Variants in CENPC observed in about 807,000 individuals in gnomAD.
CENPC encodes the protein centromere protein C, also known as CENP-C 1.
Under a neutral mutation model 112.1 loss-of-function variants are expected in CENPC, and 63 were observed. The ratio of observed to expected loss-of-function variants is 0.56; its 90% CI spans 0.46 to 0.69. CENPC has a LOEUF of 0.69. CENPC is among the 30% of genes least tolerant of loss of function. The probability of loss-of-function intolerance (pLI) is 0.00; values close to 1 mark genes in which losing one functional copy is unlikely to be tolerated. For synonymous variants in CENPC, 333 were observed against 367.6 expected (o/e 0.91, Z 1.08); for missense variants, 1,000 against 1,103.8 (o/e 0.91, Z 1.33).
intron 2 of CENPC, among the ~76,000 whole-genome samples, chr4:67,542,642 C>G (rs1052753595): frequency 1.3e-5 from 2 of 152,156 alleles, no homozygotes; most frequent in Non-Finnish European, 2.9e-5. Flanking sequence ...AAACCCCTAG[C>G]TGAATCCTAT....
intron 17 of CENPC, among the ~76,000 whole-genome samples, chr4:67,476,178 C>T (rs1242642000): frequency 2.6e-5 from 4 of 152,200 alleles, no homozygotes; most frequent in Non-Finnish European, 5.9e-5. Context: ...GCAGCTCCCA[C>T]TCAGATGGAC....
At chr4:67,544,004 C>G (rs1726958194) in intron 2 of CENPC, 145 bp downstream of exon 2, 1 of 582,188 alleles carries the variant, frequency 1.7e-6, no homozygotes, top group Non-Finnish European at 3.1e-6. Context: ...CATTAACATT[C>G]CCGTTAGTAT....
At chr4:67,521,540 G>A (rs1726229849) in intron 5 of CENPC, among the ~76,000 whole-genome samples, 1 of 152,188 alleles carries the variant, frequency 6.6e-6, no homozygotes, top group African/African-American at 2.4e-5. Flanking sequence ...GATAACAACT[G>A]TTGATGTAGA....
chr4:67,512,519 GCTT>G lies in CENPC; in HGVS notation c.1492_1494del (p.Lys498del). ...TTGTTCTTGGACTCACTGGAAAAGCGCTTCTTTTTAGATTCTTCCTTATCTTTT... is the reference window on the plus strand; with the variant it reads ...TTGTTCTTGGACTCACTGGAAAAGCGCTTTTTAGATTCTTCCTTATCTTTT... On this transcript the variant is annotated inframe_deletion, in exon 9 of 19. Transcript: ENST00000273853. 1.3e-6 allele frequency: 2 copies of G among 1,578,180 alleles called. No individual in the cohort carries two copies. Among genetic ancestry groups the G allele is most frequent in the Non-Finnish European group, 1.7e-6 (2 of 1,163,558 alleles).
rs1724694527 is a variant in CENPC at position 67,472,510 on chromosome 4, C to A, written c.*95G>T. ...ACTGAATAAAATTTTTATTTTAAAA[C>A]ATCACAAGTAATTACAAAGACAAAT... On this transcript the variant is annotated 3_prime_UTR_variant, in exon 19 of 19. Transcript: ENST00000273853. 9.5e-6 allele frequency: 12 copies of A among 1,259,560 alleles called. No individual in the cohort carries two copies. The highest frequency in any genetic ancestry group is 3.0e-5 in the South Asian group (1 of 33,126). The allele number at this position is 1,259,560 out of a possible 1,614,324, so 78.0% of individuals were successfully genotyped here.
chr4:67,525,510 A>G (rs1428546485), intron 5 of CENPC, among the ~76,000 whole-genome samples: 2 of 152,230 alleles, frequency 1.3e-5, no homozygotes, highest in Non-Finnish European at 2.9e-5. Flanking sequence ...TGGGCAAATG[A>G]TATGAACAGA....
At chr4:67,481,648 A>C (rs1410419806) in intron 17 of CENPC, among the ~76,000 whole-genome samples, 1 of 152,206 alleles carries the variant, frequency 6.6e-6, no homozygotes, top group Non-Finnish European at 1.5e-5. Flanking sequence ...AACACTAAGT[A>C]GGGAAGGGAC....
chr4:67,492,812 C>G (rs1177437728), intron 15 of CENPC, 57 bp downstream of exon 15: 1 of 1,454,936 alleles, frequency 6.9e-7, no homozygotes, highest in Admixed American at 2.6e-5. Context: ...AGCTTCTTCT[C>G]AAAGTACTCC....
chr4:67,515,742 T>C (rs955456768), intron 7 of CENPC, among the ~76,000 whole-genome samples: 13 of 151,978 alleles, frequency 8.6e-5, no homozygotes, highest in African/African-American at 2.4e-4. Flanking sequence ...ATTTTCATAT[T>C]ATAATCATGG....
intron 5 of CENPC, among the ~76,000 whole-genome samples, chr4:67,529,925 A>C (rs554893615): frequency 1.2e-4 from 19 of 152,278 alleles, no homozygotes; most frequent in Admixed American, 1.2e-3. Flanking sequence ...AAGTATGTTG[A>C]ATGTTATGTG....
intron 1 of CENPC, among the ~76,000 whole-genome samples, 187 bp from the exon 2 acceptor site, chr4:67,544,382 G>A (rs1413450325): frequency 3.9e-5 from 6 of 152,130 alleles, no homozygotes; most frequent in Non-Finnish European, 1.5e-5. Context: ...TGAACTGCAG[G>A]CATCTGGTAA....
intron 4 of CENPC, among the ~76,000 whole-genome samples, chr4:67,534,595 A>T (rs1328128221): frequency 6.6e-6 from 1 of 152,244 alleles, no homozygotes; most frequent in Non-Finnish European, 1.5e-5. Flanking sequence ...CCTTTGCCAC[A>T]TCTGACTGAA....
chr4:67,507,861 G>C (rs1400018383), intron 10 of CENPC, among the ~76,000 whole-genome samples: 1 of 152,046 alleles, frequency 6.6e-6, no homozygotes, highest in African/African-American at 2.4e-5. Context: ...AAATAAAAGA[G>C]AGAGAAAAGC....
chr4:67,469,186 C>T lies in CENPC; in HGVS notation c.*3419G>A, dbSNP rs1724586580. On this transcript the variant is annotated 3_prime_UTR_variant, in exon 19 of 19. Transcript: ENST00000273853. The stretch of plus-strand genomic sequence containing the variant: ...TGGACAACAAACTGTGGAATCCTAT[C>T]CAACAATAAAAATTAGAAAAATCAT... The T allele has an allele frequency of 6.6e-6, 1 of 152,026 alleles. No homozygotes were observed. The highest frequency in any genetic ancestry group is 2.4e-5 in the African/African-American group (1 of 41,364). 9.4% of individuals were successfully genotyped at this position (152,026 alleles called of 1,614,324 possible).
At chr4:67,525,984 A>C (rs1020108308) in intron 5 of CENPC, among the ~76,000 whole-genome samples, 4 of 152,216 alleles carry the variant, frequency 2.6e-5, no homozygotes, top group African/African-American at 9.6e-5. Flanking sequence ...CAGAATACTA[A>C]GCAGCCATAA....
chr4:67,536,858 A>G (rs1442099679), intron 4 of CENPC, among the ~76,000 whole-genome samples: 2 of 151,878 alleles, frequency 1.3e-5, no homozygotes, highest in East Asian at 3.8e-4. Flanking sequence ...AAAGACCAAA[A>G]TTGATAAACC....
Position 67,502,062 on chromosome 4 carries a change from C to T in CENPC, c.2131+3143G>A, listed in dbSNP as rs532547667. 9.2e-5 allele frequency among the ~76,000 whole-genome samples: 14 copies of T among 152,048 alleles called. No homozygotes were observed. The South Asian group carries it at 2.9e-3, about 32-fold the overall frequency. ...AGGAAAGAAGAAATAAGGCTGCCTT[C>T]AAATTTCTATTCATAAGCATTAACT... On this transcript the variant is annotated intron_variant, in intron 12 of 18. Coordinates refer to ENST00000273853, the MANE Select transcript of CENPC (RefSeq NM_001812.4).
chr4:67,514,449 T>C lies in CENPC; in HGVS notation c.1069A>G (p.Thr357Ala), dbSNP rs1168032910. Residue 357 changes from threonine to alanine, a missense_variant, in exon 8 of 19, where the codon ACT (threonine) becomes GCT (alanine). Thr to Ala is a moderately conservative substitution (Grantham distance 58). Transcript: ENST00000273853. ...TGGGAATGTTTGTCATTTGCCAAAG[T>C]CTTAGGTAATATATTATGATGCTTT... Reference protein sequence around the residue: ...REKHHNILPKTLANDKHSHKP... With the variant: ...REKHHNILPKALANDKHSHKP... 1.2e-6 allele frequency: 2 copies of C among 1,613,588 alleles called. No individual in the cohort carries two copies. Among genetic ancestry groups the C allele is most frequent in the Non-Finnish European group, 1.7e-6 (2 of 1,179,870 alleles).
chr4:67,523,174 G>T (rs1038043972), intron 5 of CENPC, among the ~76,000 whole-genome samples: 1 of 151,972 alleles, frequency 6.6e-6, no homozygotes. Context: ...TTAGATGAGC[G>T]TGGTGGCTGC....
Sources: gnomAD v4.1 joint callset for allele counts (sites outside exome capture counted in the v4.1 genomes callset) on GRCh38, gnomAD v4.1.1 for gene constraint, MANE v1.5 for transcripts, NCBI Gene and HGNC (gene_info 2026-07-23, HGNC 2026-07-21) for gene names.